The following RAPGEF5 variants were observed in gnomAD, a reference collection of about 807,000 sequenced individuals.
RAPGEF5 encodes M-Ras-regulated GEF.
A neutral mutation model predicts 125.2 loss-of-function variants in RAPGEF5; 65 were observed. That is an observed-to-expected ratio of 0.52 (90% confidence interval 0.43 to 0.64). The LOEUF (loss-of-function observed/expected upper bound fraction) is 0.64, where lower values mean the gene tolerates loss of function less well. RAPGEF5 is among the 30% of genes least tolerant of loss of function. RAPGEF5 has a pLI of 0.00. For synonymous variants in RAPGEF5, 391 were observed against 385.9 expected (o/e 1.01, Z -0.16); for missense variants, 958 against 1,048.1 (o/e 0.91, Z 1.19).
intron 8 of RAPGEF5, 54 bp from the exon 9 acceptor site, chr7:22,220,045 T>C (rs1177790576): frequency 6.3e-7 from 1 of 1,592,468 alleles, no homozygotes; most frequent in Non-Finnish European, 8.6e-7. Flanking sequence ...TCCCAGGACA[T>C]GACACCACCG....
chr7:22,169,002 A>T (rs1033782282), intron 11 of RAPGEF5, among the ~76,000 whole-genome samples: 11 of 152,202 alleles, frequency 7.2e-5, no homozygotes, highest in African/African-American at 2.2e-4. Context: ...AAAAGTCTAA[A>T]CTTACATTGT....
chr7:22,203,893 AT>A (rs980712227), intron 9 of RAPGEF5, among the ~76,000 whole-genome samples: 1 of 152,188 alleles, frequency 6.6e-6, no homozygotes, highest in African/African-American at 2.4e-5. Flanking sequence ...GGATGCAGAA[AT>A]CTAAATTAGA....
chr7:22,158,777 C>T (rs1008838962), intron 14 of RAPGEF5, among the ~76,000 whole-genome samples: 3 of 152,146 alleles, frequency 2.0e-5, no homozygotes, highest in African/African-American at 7.2e-5. Flanking sequence ...AGGCATGTGA[C>T]ACCACGCCCA....
intron 24 of RAPGEF5, among the ~76,000 whole-genome samples, chr7:22,126,849 C>T (rs548215989): frequency 6.6e-6 from 1 of 152,112 alleles, no homozygotes; most frequent in South Asian, 2.1e-4. Context: ...TCTCGAACTC[C>T]TGACCTCAGA....
intron 5 of RAPGEF5, among the ~76,000 whole-genome samples, chr7:22,301,994 G>A (rs1029594222): frequency 1.3e-5 from 2 of 152,048 alleles, no homozygotes; most frequent in Non-Finnish European, 2.9e-5. Context: ...TTTACATATC[G>A]TCATATCCCT....
At chr7:22,139,553 G>T (rs942095564) in intron 21 of RAPGEF5, among the ~76,000 whole-genome samples, 2 of 152,262 alleles carry the variant, frequency 1.3e-5, no homozygotes, top group Non-Finnish European at 2.9e-5. Flanking sequence ...GAGCCAGGAA[G>T]TGGGAGGTCT....
chr7:22,242,101 T>C lies in RAPGEF5; in HGVS notation c.797-11182A>G, dbSNP rs1786346166. On this transcript the variant is annotated intron_variant, in intron 7 of 25. Transcript: ENST00000665637. The stretch of plus-strand genomic sequence containing the variant: ...AACAGAAAGGGCAGGTAAAAAGCTA[T>C]GGGCCTGATCTCCCTTGGCTGGGCT... Among the ~76,000 whole-genome samples the C allele has an allele frequency of 2.0e-5, 3 of 152,140 alleles. No homozygotes were observed. In the East Asian group the frequency reaches 5.8e-4, roughly 29 times the overall value.
At chr7:22,189,660 G>A (rs1784931681) in intron 11 of RAPGEF5, among the ~76,000 whole-genome samples, 1 of 151,344 alleles carries the variant, frequency 6.6e-6, no homozygotes, top group Non-Finnish European at 1.5e-5. Flanking sequence ...GTCAAAACCT[G>A]AACCTTGGAA....
Position 22,317,921 on chromosome 7 carries a change from T to C in RAPGEF5, c.282+66A>G, listed in dbSNP as rs1030877236. ...AGCAAAGGGAACAACTGTAACTTGA[T>C]AATTGTACATCAGAATTTGTCAATC... On this transcript the variant is annotated intron_variant, in intron 2 of 25. Coordinates refer to ENST00000665637, the MANE Select transcript of RAPGEF5 (RefSeq NM_012294.5). 89 of 1,540,418 alleles carry C rather than the reference T, an allele frequency of 5.8e-5. No individual in the cohort carries two copies. The Middle Eastern group carries it at 8.4e-4, about 15-fold the overall frequency.
At chr7:22,255,089 T>C (rs1786723211) in intron 7 of RAPGEF5, among the ~76,000 whole-genome samples, 1 of 152,134 alleles carries the variant, frequency 6.6e-6, no homozygotes, top group Admixed American at 6.5e-5. Flanking sequence ...AAATAAGAGT[T>C]AGCAGGTTGT....
chr7:22,201,562 T>C (rs977323316), intron 9 of RAPGEF5, among the ~76,000 whole-genome samples: 2 of 152,206 alleles, frequency 1.3e-5, no homozygotes, highest in Non-Finnish European at 2.9e-5. Context: ...CTAAAAGCTT[T>C]AGGGTAGGGT....
At chr7:22,151,776 T>G (rs1783637859) in intron 17 of RAPGEF5, among the ~76,000 whole-genome samples, 1 of 152,206 alleles carries the variant, frequency 6.6e-6, no homozygotes. Flanking sequence ...ATCATTACTT[T>G]TGGTAAGTTT....
chr7:22,127,039 TC>T (rs1383754063), intron 24 of RAPGEF5, among the ~76,000 whole-genome samples: 1 of 79,480 alleles, frequency 1.3e-5, no homozygotes, highest in East Asian at 5.7e-4. Context: ...GCAAAAGTCT[TC>T]TTTTTTTTTT....
rs118187685 is a variant in RAPGEF5, at chr7:22,316,685, G to C, written c.283-1209C>G. On this transcript the variant is annotated intron_variant, in intron 2 of 25. Coordinates refer to ENST00000665637, the MANE Select transcript of RAPGEF5 (RefSeq NM_012294.5). Reference sequence around the variant, plus strand: ...TTTGTTTTTTGTTTTTTTTTGTAGAGACAGGTCTCCCTGTGCTGCTCAGGC... The same window carrying C: ...TTTGTTTTTTGTTTTTTTTTGTAGACACAGGTCTCCCTGTGCTGCTCAGGC... Among the ~76,000 whole-genome samples, 154 of 149,908 alleles carry C rather than the reference G, an allele frequency of 1.0e-3. 2 individuals carry two copies. In the East Asian group the frequency reaches 0.027, roughly 26 times the overall value.
At chr7:22,232,415 A>C (rs1424771942) in intron 7 of RAPGEF5, among the ~76,000 whole-genome samples, 6 of 151,444 alleles carry the variant, frequency 4.0e-5, no homozygotes, top group Non-Finnish European at 7.4e-5. Flanking sequence ...TCCCGGGTTC[A>C]AGCGATTCTC....
chr7:22,265,796 A>G (rs959934314), intron 7 of RAPGEF5, among the ~76,000 whole-genome samples: 1 of 152,136 alleles, frequency 6.6e-6, no homozygotes, highest in Non-Finnish European at 1.5e-5. Context: ...AGAAATCTCA[A>G]TGTGATTTTG....
chr7:22,294,624 T>G (rs1006337142), intron 5 of RAPGEF5, among the ~76,000 whole-genome samples: 56 of 152,276 alleles, frequency 3.7e-4, no homozygotes, highest in African/African-American at 1.3e-3. Context: ...TGATGGAAAC[T>G]CCATCCTTCC....
intron 14 of RAPGEF5, among the ~76,000 whole-genome samples, chr7:22,159,531 G>A (rs894181115): frequency 1.3e-5 from 2 of 152,178 alleles, no homozygotes; most frequent in African/African-American, 4.8e-5. Context: ...TTATGTTTAC[G>A]AAATAGAAAC....
intron 2 of RAPGEF5, among the ~76,000 whole-genome samples, chr7:22,317,595 A>C (rs1183734750): frequency 2.0e-5 from 3 of 152,188 alleles, no homozygotes; most frequent in African/African-American, 7.2e-5. Context: ...GATAAATAAC[A>C]AGGAAGTAAA....
Sources: gnomAD v4.1 joint callset for allele counts (sites outside exome capture counted in the v4.1 genomes callset) on GRCh38, gnomAD v4.1.1 for gene constraint, MANE v1.5 for transcripts, NCBI Gene and HGNC (gene_info 2026-07-23, HGNC 2026-07-21) for gene names.